APBB2: variants seen among roughly 807,000 people sequenced by gnomAD.
APBB2 encodes the protein amyloid beta precursor protein binding family B member 2.
APBB2 carries 38 observed loss-of-function variants against 82.5 expected under a neutral mutation model. The ratio of observed to expected loss-of-function variants is 0.46; its 90% CI spans 0.36 to 0.60. APBB2 has a LOEUF of 0.60. Ranked by LOEUF, APBB2 falls within the 20% of genes least tolerant of loss-of-function variation. The pLI is 0.00. For synonymous variants in APBB2, 341 were observed against 368.2 expected (o/e 0.93, Z 0.85); for missense variants, 772 against 972.3 (o/e 0.79, Z 2.74).
intron 1 of APBB2, among the ~76,000 whole-genome samples, chr4:41,201,950 G>A (rs1776799845): frequency 2.0e-5 from 3 of 152,262 alleles, no homozygotes; most frequent in Admixed American, 6.5e-5. Flanking sequence ...GGTGAGTGGC[G>A]TCTATACCCT....
intron 4 of APBB2, among the ~76,000 whole-genome samples, chr4:41,056,273 T>C (rs996728609): frequency 6.6e-6 from 1 of 152,204 alleles, no homozygotes; most frequent in Non-Finnish European, 1.5e-5. Context: ...CTTATTGGCA[T>C]ATGCACTCCC....
At chr4:40,989,235 T>C (rs2154409514) in intron 6 of APBB2, among the ~76,000 whole-genome samples, 1 of 152,264 alleles carries the variant, frequency 6.6e-6, no homozygotes, top group Admixed American at 6.5e-5. Flanking sequence ...AGTGGCTTGG[T>C]GGCAAAAGGA....
intron 1 of APBB2, among the ~76,000 whole-genome samples, chr4:41,168,126 G>A (rs1355309433): frequency 1.3e-5 from 2 of 151,864 alleles, no homozygotes; most frequent in South Asian, 2.1e-4. Context: ...AAAATTGGCC[G>A]GGCGTGGTGG....
chr4:41,022,779 A>C (rs1232514647), intron 5 of APBB2, among the ~76,000 whole-genome samples: 1 of 152,232 alleles, frequency 6.6e-6, no homozygotes, highest in Non-Finnish European at 1.5e-5. Context: ...ACATCTCAAA[A>C]AATGTTGACA....
At chr4:41,213,476 G>A (rs959957952) in intron 1 of APBB2, among the ~76,000 whole-genome samples, 2 of 152,168 alleles carry the variant, frequency 1.3e-5, no homozygotes, top group Non-Finnish European at 2.9e-5. Flanking sequence ...CTACAGAACG[G>A]TCGGTGACAA....
rs73138517 is a variant in APBB2, at chr4:41,024,883, G to A, written c.19+8353C>T. Among the ~76,000 whole-genome samples the A allele has an allele frequency of 8.8e-3, 1,337 of 152,320 alleles. 26 individuals carry two copies. The highest frequency in any genetic ancestry group is 0.031 in the African/African-American group (1,274 of 41,550). On this transcript the variant is annotated intron_variant, in intron 5 of 17. Transcript: ENST00000508593. ...CATAACAGCCATCTGGACTGCACAG[G>A]AAGAGTCACCTGTAATCCTGAGTTA... is the stretch of plus-strand genomic sequence containing the variant.
chr4:41,081,186 C>A (rs996878615), intron 3 of APBB2, among the ~76,000 whole-genome samples: 4 of 152,214 alleles, frequency 2.6e-5, no homozygotes, highest in Non-Finnish European at 1.5e-5. Flanking sequence ...AAATTTATCT[C>A]AGTCAATCCC....
chr4:41,155,623 C>T lies in APBB2; in HGVS notation c.-416-12481G>A, dbSNP rs545952591. Among the ~76,000 whole-genome samples the T allele has an allele frequency of 2.0e-5, 3 of 152,364 alleles. No individual in the cohort carries two copies. In the East Asian group the frequency reaches 5.8e-4, roughly 29 times the overall value. ...ACACTACCCAGACAGACTACTCAGA[C>T]AGACGAGACAGTCAGGCAGACATGG... On this transcript the variant is annotated intron_variant, in intron 1 of 17. Transcript: ENST00000508593.
At position 41,017,469 on chromosome 4, in the gene APBB2, A is replaced by C. The variant is rs527811092; in HGVS notation, c.20-3071T>G. Reference sequence around the variant, plus strand: ...AGCCCCAAGGGAGAGGAAATGCTGTAAGGGTTAAAAGCACAGATCTCAGGG... The same window carrying C: ...AGCCCCAAGGGAGAGGAAATGCTGTCAGGGTTAAAAGCACAGATCTCAGGG... On this transcript the variant is annotated intron_variant, in intron 5 of 17. Coordinates refer to ENST00000508593, the MANE Select transcript of APBB2 (RefSeq NM_004307.2). 5.6e-4 allele frequency among the ~76,000 whole-genome samples: 86 copies of C among 152,332 alleles called. No homozygotes were observed. The South Asian group carries it at 0.016, about 28-fold the overall frequency.
At chr4:40,954,858 T>G (rs1791161610) in intron 6 of APBB2, among the ~76,000 whole-genome samples, 1 of 152,150 alleles carries the variant, frequency 6.6e-6, no homozygotes, top group Admixed American at 6.5e-5. Flanking sequence ...AGAGTCAGGG[T>G]TCCACCATGT....
At chr4:40,962,730 G>A (rs1406407607) in intron 6 of APBB2, among the ~76,000 whole-genome samples, 2 of 152,094 alleles carry the variant, frequency 1.3e-5, no homozygotes, top group African/African-American at 4.8e-5. Flanking sequence ...AGTGGGGGAA[G>A]GGAGGGAAGG....
At position 40,823,743 on chromosome 4, in the gene APBB2, G is replaced by C. The variant is rs1369186160; in HGVS notation, c.1833C>G (p.Asn611Lys). 2 of 1,612,508 alleles carry C rather than the reference G, an allele frequency of 1.2e-6. No homozygotes were observed. Among genetic ancestry groups the C allele is most frequent in the Admixed American group, 1.7e-5 (1 of 60,026 alleles). The stretch of plus-strand genomic sequence containing the variant: ...AGGTCATAAGATTTTCTATGGCACT[G>C]TTCAAAATATCCATTCCTGGGGACA... Reference protein sequence around the residue: ...VDKPVGMDILNSAIENLMTSS... With the variant: ...VDKPVGMDILKSAIENLMTSS... The change falls in exon 16 of 18, where the codon AAC (asparagine) becomes AAG (lysine). Residue 611 changes from asparagine (N) to lysine (K), a missense_variant. Transcript: ENST00000508593.
chr4:41,103,746 C>T (rs1414886184), intron 2 of APBB2, among the ~76,000 whole-genome samples: 3 of 152,082 alleles, frequency 2.0e-5, no homozygotes, highest in African/African-American at 4.8e-5. Context: ...CTTTTTACCC[C>T]CACTTTAACG....
rs146020211 is a variant in APBB2 at position 41,017,856 on chromosome 4, C to T, written c.20-3458G>A. Among the ~76,000 whole-genome samples the T allele has an allele frequency of 9.2e-4, 140 of 152,210 alleles. No homozygotes were observed. The East Asian group carries it at 0.01, about 11-fold the overall frequency. On this transcript the variant is annotated intron_variant, in intron 5 of 17. Transcript: ENST00000508593. ...AATTATGAAAAAAATATACATTCCT[C>T]GGGTTTAAGAGGATAGAGGTTTGTG... is the stretch of plus-strand genomic sequence containing the variant.
At position 40,826,508 on chromosome 4, in the gene APBB2, T is replaced by G. The variant is rs1749991037; in HGVS notation, c.1733-538A>C. On this transcript the variant is annotated intron_variant, in intron 14 of 17. Transcript: ENST00000508593. The surrounding 1 kb of genome is among the most constrained non-coding windows in gnomAD (Gnocchi z 4.5). ...GGTGCATGCTGCCATACCTGGCTAATTTTTTGTATTTTAGTAGAGACAGGG... is the reference window on the plus strand; with the variant it reads ...GGTGCATGCTGCCATACCTGGCTAAGTTTTTGTATTTTAGTAGAGACAGGG... 6.3e-6 allele frequency: 1 copy of G among 157,886 alleles called. No homozygotes were observed. Among genetic ancestry groups the G allele is most frequent in the Non-Finnish European group, 1.4e-5 (1 of 71,986 alleles). 9.8% of individuals were successfully genotyped at this position (157,886 alleles called of 1,614,324 possible).
intron 6 of APBB2, among the ~76,000 whole-genome samples, chr4:41,001,930 A>G (rs1303806054): frequency 6.6e-6 from 1 of 152,072 alleles, no homozygotes; most frequent in Non-Finnish European, 1.5e-5. Flanking sequence ...ACACACAATA[A>G]GCATCAGCTC....
chr4:40,946,522 A>G (rs192086199), intron 6 of APBB2, among the ~76,000 whole-genome samples: 1 of 152,248 alleles, frequency 6.6e-6, no homozygotes, highest in East Asian at 1.9e-4. Flanking sequence ...AGTTTACTGA[A>G]TATCTGCTGG....
intron 12 of APBB2, among the ~76,000 whole-genome samples, chr4:40,849,679 T>C (rs1367324567): frequency 6.6e-6 from 1 of 151,900 alleles, no homozygotes; most frequent in Non-Finnish European, 1.5e-5. Flanking sequence ...GTTAACTTCT[T>C]GATACAGTTT....
chr4:40,815,913 C>T lies in APBB2; in HGVS notation c.*179G>A. On this transcript the variant is annotated 3_prime_UTR_variant, in exon 18 of 18. Coordinates refer to ENST00000508593, the MANE Select transcript of APBB2 (RefSeq NM_004307.2). ...AAAAAAAATTATTCATGCTTCTTTT[C>T]ATATCACATGATGGTGGCAAGACGA... 1.5e-6 allele frequency: 1 copy of T among 680,420 alleles called. No homozygotes were observed. Among genetic ancestry groups the T allele is most frequent in the Non-Finnish European group, 2.5e-6 (1 of 403,928 alleles). 42.1% of individuals were successfully genotyped at this position (680,420 alleles called of 1,614,324 possible). A position where few individuals can be genotyped will look rare whatever the true frequency, so the allele number is the denominator to read the frequency against.
Sources: gnomAD v4.1 joint callset for allele counts (sites outside exome capture counted in the v4.1 genomes callset) on GRCh38, gnomAD v4.1.1 for gene constraint, Gnocchi (gnomAD v3.1) non-coding constraint, MANE v1.5 for transcripts, NCBI Gene and HGNC (gene_info 2026-07-23, HGNC 2026-07-21) for gene names.